FLI1: variants seen among roughly 807,000 people sequenced by gnomAD.
The protein encoded by FLI1 is Friend leukemia integration 1 transcription factor.
FLI1 carries 13 observed loss-of-function variants against 53.1 expected under a neutral mutation model. That is an observed-to-expected ratio of 0.24 (90% CI 0.16 to 0.39). FLI1 has a LOEUF of 0.39. Ranked by LOEUF, FLI1 falls within the 10% of genes least tolerant of loss-of-function variation. The pLI is 1.00. For synonymous variants in FLI1, 244 were observed against 236.7 expected (o/e 1.03, Z -0.28); for missense variants, 424 against 600.5 (o/e 0.71, Z 3.07).
intron 1 of FLI1, among the ~76,000 whole-genome samples, chr11:128,747,391 G>A (rs1394604224): frequency 2.0e-5 from 3 of 152,206 alleles, no homozygotes; most frequent in Non-Finnish European, 4.4e-5. Context: ...GTGCATCCAG[G>A]TGGCCTTCCC....
intron 1 of FLI1, among the ~76,000 whole-genome samples, chr11:128,709,594 T>C (rs901764476): frequency 1.3e-5 from 2 of 152,200 alleles, no homozygotes; most frequent in African/African-American, 4.8e-5. Flanking sequence ...TAAAAACCGA[T>C]GGCAGGATAT....
intron 1 of FLI1, among the ~76,000 whole-genome samples, chr11:128,702,572 T>G (rs1457435354): frequency 6.6e-6 from 1 of 152,130 alleles, no homozygotes; most frequent in African/African-American, 2.4e-5. Flanking sequence ...ATTTATATAT[T>G]AACATGGGGC....
At chr11:128,792,975 A>G (rs1942321112) in intron 5 of FLI1, among the ~76,000 whole-genome samples, 1 of 152,024 alleles carries the variant, frequency 6.6e-6, no homozygotes, top group Admixed American at 6.6e-5. Context: ...AAAAGTAGCC[A>G]GGTGTAGTGG....
At chr11:128,756,381 T>A (rs1344494930) in intron 1 of FLI1, among the ~76,000 whole-genome samples, 1 of 152,088 alleles carries the variant, frequency 6.6e-6, no homozygotes, top group Non-Finnish European at 1.5e-5. Flanking sequence ...AATTCCCTCT[T>A]CTTATAAGAA....
chr11:128,757,297 G>A (rs1468057498), intron 1 of FLI1, among the ~76,000 whole-genome samples: 2 of 152,002 alleles, frequency 1.3e-5, no homozygotes, highest in East Asian at 3.8e-4. Context: ...CCAAGTCAGT[G>A]ATGGGATAAT....
intron 5 of FLI1, among the ~76,000 whole-genome samples, chr11:128,802,901 G>T (rs931487526): frequency 2.6e-5 from 4 of 152,218 alleles, no homozygotes; most frequent in Admixed American, 2.0e-4. Flanking sequence ...TAGAATAAGA[G>T]AATAGGGAGA....
chr11:128,779,679 C>T (rs1012661441), intron 4 of FLI1, among the ~76,000 whole-genome samples: 1 of 152,172 alleles, frequency 6.6e-6, no homozygotes, highest in Non-Finnish European at 1.5e-5. Flanking sequence ...AGATGAGAAA[C>T]TGCTGGCTCA....
At chr11:128,799,046 A>C in intron 5 of FLI1, among the ~76,000 whole-genome samples, 1 of 135,806 alleles carries the variant, frequency 7.4e-6, no homozygotes, top group East Asian at 2.0e-4. Flanking sequence ...TATTATTATT[A>C]TTATTATTTT....
chr11:128,703,860 A>C (rs1311471734), intron 1 of FLI1, among the ~76,000 whole-genome samples: 6 of 151,124 alleles, frequency 4.0e-5, no homozygotes, highest in Non-Finnish European at 7.4e-5. Flanking sequence ...AAAAAAAAAA[A>C]AAACAAACGT....
chr11:128,772,310 C>T (rs1409062824), intron 3 of FLI1, among the ~76,000 whole-genome samples: 2 of 152,132 alleles, frequency 1.3e-5, no homozygotes, highest in African/African-American at 4.8e-5. Context: ...AGACTAACAC[C>T]GCTGGGTTTT....
At chr11:128,771,811 G>T (rs1941569533) in intron 3 of FLI1, among the ~76,000 whole-genome samples, 1 of 152,108 alleles carries the variant, frequency 6.6e-6, no homozygotes, top group South Asian at 2.1e-4. Flanking sequence ...GTAGTGGTGT[G>T]CTTGCCTACC....
chr11:128,788,197 T>C (rs975137515), intron 5 of FLI1, among the ~76,000 whole-genome samples: 2 of 152,074 alleles, frequency 1.3e-5, no homozygotes, highest in Non-Finnish European at 2.9e-5. Flanking sequence ...GGGCCGGGCA[T>C]GGTGGTTCAT....
At chr11:128,701,884 T>C (rs1003861212) in intron 1 of FLI1, among the ~76,000 whole-genome samples, 1 of 152,246 alleles carries the variant, frequency 6.6e-6, no homozygotes, top group Non-Finnish European at 1.5e-5. Flanking sequence ...ACATGTCTAC[T>C]GGAATCTAAC....
At chr11:128,784,220 T>TC (rs1942013111) in intron 5 of FLI1, among the ~76,000 whole-genome samples, 1 of 117,928 alleles carries the variant, frequency 8.5e-6, no homozygotes, top group South Asian at 3.0e-4. Flanking sequence ...TTGCTAACCA[T>TC]CTCCTCCTCC....
intron 4 of FLI1, among the ~76,000 whole-genome samples, chr11:128,775,132 A>C (rs1413168757): frequency 6.6e-6 from 1 of 152,182 alleles, no homozygotes; most frequent in African/African-American, 2.4e-5. Flanking sequence ...TACTGAAGAC[A>C]TTTGAAAATG....
At chr11:128,749,692 C>A (rs1017090685) in intron 1 of FLI1, among the ~76,000 whole-genome samples, 39 of 152,294 alleles carry the variant, frequency 2.6e-4, no homozygotes, top group African/African-American at 8.7e-4. Flanking sequence ...TGAGAAAATG[C>A]GACTGTGCCT....
intron 4 of FLI1, among the ~76,000 whole-genome samples, chr11:128,774,584 T>C (rs1394397898): frequency 6.6e-6 from 1 of 151,902 alleles, no homozygotes; most frequent in Non-Finnish European, 1.5e-5. Flanking sequence ...CCAGCAGGAG[T>C]TTGCAGGAAC....
At chr11:128,770,190 T>C (rs1029938714) in intron 3 of FLI1, among the ~76,000 whole-genome samples, 2 of 152,240 alleles carry the variant, frequency 1.3e-5, no homozygotes, top group Non-Finnish European at 2.9e-5. Flanking sequence ...TCAAAAGGAA[T>C]AGCAAAACAT....
intron 8 of FLI1, among the ~76,000 whole-genome samples, chr11:128,809,991 C>T (rs1283050600): frequency 1.3e-5 from 2 of 152,192 alleles, no homozygotes; most frequent in Non-Finnish European, 2.9e-5. Flanking sequence ...GCTCATGGCG[C>T]AGCTTCTCCC....
Sources: allele counts gnomAD v4.1 joint callset (sites outside exome capture counted in the v4.1 genomes callset), GRCh38; gene constraint gnomAD v4.1.1; transcripts MANE v1.5; gene names NCBI Gene and HGNC (gene_info 2026-07-23, HGNC 2026-07-21).